Variants in BET1 observed in about 807,000 individuals in gnomAD.
The protein encoded by BET1 is BET1 homolog.
BET1 carries 9 observed loss-of-function variants against 13.9 expected under a neutral mutation model. The ratio of observed to expected loss-of-function variants is 0.65; its 90% CI spans 0.39 to 1.13. The LOEUF is 1.13. BET1 is among the 50% of genes most tolerant of loss of function. BET1 has a pLI of 0.01. For missense variants in BET1, 127 were observed against 133.6 expected, an observed-to-expected ratio of 0.95 and a Z score of 0.24; for synonymous variants, 39 against 47.3, an observed-to-expected ratio of 0.82 and a Z score of 0.72.
At chr7:93,968,060 A>C (rs1274542878) in intron 6 of BET1, among the ~76,000 whole-genome samples, 1 of 151,708 alleles carries the variant, frequency 6.6e-6, no homozygotes. Context: ...CAAACATTTC[A>C]ATTTGGTTAT....
At position 93,999,173 on chromosome 7, in the gene BET1, T is replaced by A; in HGVS notation, c.141A>T (p.Lys47Asn). The A allele has an allele frequency of 6.2e-7, 1 of 1,609,776 alleles. No individual in the cohort carries two copies. Among genetic ancestry groups the A allele is most frequent in the Non-Finnish European group, 8.5e-7 (1 of 1,177,010 alleles). ...ESLRSKVTAI[K>N]SLSIEIGHEV... is the part of the protein sequence containing the mutation. The stretch of plus-strand genomic sequence containing the variant: ...ATAATATTTGTTATATACTTACAGA[T>A]TTTATAGCAGTTACTTTGCTTCTCA... Residue 47 changes from lysine to asparagine, a missense_variant, in exon 2 of 4, where the codon AAA becomes AAT. Physicochemically the swap from Lys to Asn is moderately conservative, Grantham distance 94. Coordinates refer to ENST00000222547, the MANE Select transcript of BET1 (RefSeq NM_005868.6).
At chr7:93,976,575 T>C (rs1795340670) in intron 4 of BET1, among the ~76,000 whole-genome samples, 1 of 152,192 alleles carries the variant, frequency 6.6e-6, no homozygotes, top group Non-Finnish European at 1.5e-5. Context: ...TTTATTGTTC[T>C]TTAAAAATAG....
At chr7:93,980,096 C>G (rs1365354211) in intron 4 of BET1, among the ~76,000 whole-genome samples, 4 of 152,122 alleles carry the variant, frequency 2.6e-5, no homozygotes, top group African/African-American at 9.7e-5. Flanking sequence ...AATGGAAAAC[C>G]TGAACAGATC....
At chr7:93,974,490 G>C (rs1400472612) in intron 5 of BET1, among the ~76,000 whole-genome samples, 1 of 152,002 alleles carries the variant, frequency 6.6e-6, no homozygotes, top group Non-Finnish European at 1.5e-5. Flanking sequence ...AATAGGGCAT[G>C]TTGAAAGGGC....
intron 2 of BET1, among the ~76,000 whole-genome samples, chr7:93,997,334 G>A (rs1338157542): frequency 6.6e-6 from 1 of 152,104 alleles, no homozygotes; most frequent in Non-Finnish European, 1.5e-5. Flanking sequence ...AGATAATAAA[G>A]TAACTATAAA....
At chr7:93,963,885 G>C (rs1795135231) in exon 7 of BET1, 1 of 151,942 alleles carries the variant, frequency 6.6e-6, no homozygotes, top group South Asian at 2.1e-4. Context: ...AACCAACATA[G>C]TGAAACCCCG....
At chr7:93,992,287 G>A, downstream of BET1, 2 of 985,204 alleles carry the variant, frequency 2.0e-6, no homozygotes, top group South Asian at 9.4e-5. Context: ...CTATCTGCTT[G>A]ATGATACTGT....
intron 4 of BET1, among the ~76,000 whole-genome samples, chr7:93,983,530 C>A (rs1795466684): frequency 6.6e-6 from 1 of 151,924 alleles, no homozygotes; most frequent in Non-Finnish European, 1.5e-5. Flanking sequence ...CATTCATGGA[C>A]CTAAAAAAAT....
chr7:93,992,656 C>T (rs1795660951), downstream of BET1: 6 of 985,200 alleles, frequency 6.1e-6, no homozygotes, highest in Non-Finnish European at 7.2e-6. Flanking sequence ...AACCTATTGT[C>T]TTGTCCTTAA....
chr7:93,977,581 T>A (rs1018828799), intron 4 of BET1, among the ~76,000 whole-genome samples: 3 of 152,168 alleles, frequency 2.0e-5, no homozygotes, highest in Admixed American at 6.6e-5. Context: ...ATTTACTCAC[T>A]TCTATCTGGC....
intron 3 of BET1, 110 bp from the exon 4 acceptor site, chr7:93,994,495 T>C: frequency 8.2e-7 from 1 of 1,214,080 alleles, no homozygotes; most frequent in Non-Finnish European, 1.1e-6. Context: ...AATGACAGTT[T>C]TGTGTTTAAT....
At chr7:93,981,650 A>T (rs995596286) in intron 4 of BET1, among the ~76,000 whole-genome samples, 8 of 152,202 alleles carry the variant, frequency 5.3e-5, no homozygotes, top group African/African-American at 1.7e-4. Context: ...AATTCCTGGA[A>T]TTCAAGTAAT....
At chr7:93,984,484 T>G (rs77112477) in intron 4 of BET1, among the ~76,000 whole-genome samples, 4,138 of 152,212 alleles carry the variant, frequency 0.027, 190 homozygotes, top group African/African-American at 0.095. Flanking sequence ...ACATTAATTG[T>G]AAGTTATTTG....
chr7:93,992,040 G>GA (rs1795648211), downstream of BET1: 1 of 985,256 alleles, frequency 1.0e-6, no homozygotes, highest in Non-Finnish European at 1.2e-6. Context: ...GTTTTAGATG[G>GA]AAAAAGAGGG....
intron 1 of BET1, chr7:93,999,761 A>C (rs1288170095): frequency 1.8e-5 from 8 of 453,576 alleles, no homozygotes; most frequent in South Asian, 1.1e-4. Flanking sequence ...CTTTCTCTTA[A>C]ATAGACAGTT....
intron 1 of BET1, among the ~76,000 whole-genome samples, chr7:94,003,189 C>A (rs1162898683): frequency 6.9e-6 from 1 of 144,354 alleles, no homozygotes; most frequent in African/African-American, 2.6e-5. Context: ...TTTTTTTTTT[C>A]TCTTCAATTT....
At chr7:93,977,174 G>A (rs1228731743) in intron 4 of BET1, among the ~76,000 whole-genome samples, 1 of 152,078 alleles carries the variant, frequency 6.6e-6, no homozygotes, top group Non-Finnish European at 1.5e-5. Context: ...CAAAGATGTT[G>A]GAGGGGCTGG....
In BET1 at chr7:93,999,175, T is replaced by G; in HGVS notation, c.139A>C (p.Lys47Gln). The G allele has an allele frequency of 1.2e-6, 2 of 1,610,350 alleles. No homozygotes were observed. Among genetic ancestry groups the G allele is most frequent in the Non-Finnish European group, 1.7e-6 (2 of 1,177,426 alleles). ...ESLRSKVTAI[K>Q]SLSIEIGHEV... ...AATATTTGTTATATACTTACAGATT[T>G]TATAGCAGTTACTTTGCTTCTCAGA... Residue 47 changes from lysine (K) to glutamine (Q), a missense_variant, in exon 2 of 4, where the codon AAA becomes CAA. Lys to Gln is a moderately conservative substitution (Grantham distance 53). Transcript: ENST00000222547.
intron 4 of BET1, chr7:93,976,205 A>T: frequency 1.2e-6 from 1 of 822,582 alleles, no homozygotes; most frequent in Non-Finnish European, 1.6e-6. Context: ...TTACAGAAAA[A>T]CTGAGCAGGT....
Sources: allele counts gnomAD v4.1 joint callset (sites outside exome capture counted in the v4.1 genomes callset), GRCh38; gene constraint gnomAD v4.1.1; transcripts MANE v1.5; gene names NCBI Gene and HGNC (gene_info 2026-07-23, HGNC 2026-07-21).